TMEM132B: variants seen among roughly 807,000 people sequenced by gnomAD.
The protein encoded by TMEM132B is transmembrane protein 132B.
In TMEM132B, 18 loss-of-function variants were observed where a neutral mutation model predicts 90.8. The ratio of observed to expected loss-of-function variants is 0.20; its 90% CI spans 0.14 to 0.29. The LOEUF (loss-of-function observed/expected upper bound fraction) is 0.29. TMEM132B is among the 10% of genes least tolerant of loss of function. The probability of loss-of-function intolerance (pLI) is 1.00; values close to 1 mark genes in which losing one functional copy is unlikely to be tolerated. For missense variants in TMEM132B, 1,096 were observed against 1,326.8 expected (o/e 0.83, Z 2.70); for synonymous variants, 504 against 523.3 (o/e 0.96, Z 0.50).
At chr12:125,524,888 G>A (rs1883406472) in intron 4 of TMEM132B, among the ~76,000 whole-genome samples, 1 of 152,210 alleles carries the variant, frequency 6.6e-6, no homozygotes, top group Non-Finnish European at 1.5e-5. Context: ...GGGTCTGGGA[G>A]CTCATGGAGA....
chr12:125,283,840 CTTG>C (rs1359315745), intron 1 of TMEM132B, among the ~76,000 whole-genome samples: 1 of 152,200 alleles, frequency 6.6e-6, no homozygotes, highest in African/African-American at 2.4e-5. Flanking sequence ...GTAGTGTTTG[CTTG>C]TTGTCGCAGA....
rs1887026908 is a variant in TMEM132B at position 125,655,056 on chromosome 12, T to A, written c.*346T>A. 4.5e-6 allele frequency: 1 copy of A among 223,858 alleles called. No individual in the cohort carries two copies. 13.9% of individuals were successfully genotyped at this position (223,858 alleles called of 1,614,324 possible). On this transcript the variant is annotated 3_prime_UTR_variant, in exon 9 of 9. Transcript: ENST00000682704. ...TGTGGAATTAGAAAAGATTTGGGTGTTGATTTTTCTATTTCTAGACCTTTT... is the reference window on the plus strand; with the variant it reads ...TGTGGAATTAGAAAAGATTTGGGTGATGATTTTTCTATTTCTAGACCTTTT...
chr12:125,565,318 T>G (rs769262521), intron 4 of TMEM132B, among the ~76,000 whole-genome samples: 9 of 152,188 alleles, frequency 5.9e-5, no homozygotes, highest in Non-Finnish European at 8.8e-5. Context: ...TGGGAGGGGA[T>G]ACATGCAGAT....
At chr12:125,446,745 T>C (rs149441942) in intron 3 of TMEM132B, among the ~76,000 whole-genome samples, 120 of 152,308 alleles carry the variant, frequency 7.9e-4, no homozygotes, top group Admixed American at 3.3e-3. Context: ...AGTACCTCAT[T>C]TGGCATTCTT....
intron 3 of TMEM132B, among the ~76,000 whole-genome samples, chr12:125,469,527 GTGCC>G (rs1881655267): frequency 6.6e-6 from 1 of 152,152 alleles, no homozygotes; most frequent in South Asian, 2.1e-4. Flanking sequence ...GGGAGTAGGT[GTGCC>G]TGGGTCTTTG....
At chr12:125,317,394 A>G (rs977830633) in intron 1 of TMEM132B, among the ~76,000 whole-genome samples, 8 of 152,084 alleles carry the variant, frequency 5.3e-5, no homozygotes, top group African/African-American at 1.9e-4. Context: ...TCTGTTGTTA[A>G]AGATCACCAT....
intron 1 of TMEM132B, among the ~76,000 whole-genome samples, chr12:125,285,375 G>C (rs544611146): frequency 6.7e-4 from 102 of 152,242 alleles, no homozygotes; most frequent in Non-Finnish European, 1.3e-3. Flanking sequence ...AGGAACTACA[G>C]GAAAGAGCCA....
chr12:125,567,709 G>GTGCCATTTGCT (rs1200414202), intron 4 of TMEM132B, among the ~76,000 whole-genome samples: 1 of 152,296 alleles, frequency 6.6e-6, no homozygotes, highest in African/African-American at 2.4e-5. Context: ...AACTGAACAG[G>GTGCCATTTGCT]TGCCATTTGC....
chr12:125,326,098 G>C (rs951432078), intron 1 of TMEM132B, among the ~76,000 whole-genome samples: 2 of 152,166 alleles, frequency 1.3e-5, no homozygotes, highest in East Asian at 3.9e-4. Flanking sequence ...ACACCCCAGG[G>C]AGCCTCTGCA....
chr12:125,530,546 A>C (rs1262340840), intron 4 of TMEM132B, among the ~76,000 whole-genome samples: 1 of 152,240 alleles, frequency 6.6e-6, no homozygotes, highest in African/African-American at 2.4e-5. Flanking sequence ...GGTGGCTTAA[A>C]ACAATAGGAA....
At chr12:125,309,828 C>G (rs562071507) in intron 1 of TMEM132B, among the ~76,000 whole-genome samples, 2 of 152,332 alleles carry the variant, frequency 1.3e-5, no homozygotes, top group African/African-American at 4.8e-5. Context: ...ATTTTGCTCA[C>G]TAGTTTAGAA....
chr12:125,583,952 T>A lies in TMEM132B; in HGVS notation c.1395T>A (p.Ser465=). 6.2e-7 allele frequency: 1 copy of A among 1,614,156 alleles called. No individual in the cohort carries two copies. The highest frequency in any genetic ancestry group is 8.5e-7 in the Non-Finnish European group (1 of 1,180,012). The change falls in exon 5 of 9, where the codon TCT becomes TCA. Residue 465 remains serine, a synonymous_variant. Transcript: ENST00000682704. ...AGGATGGTTCTGTGGTCGATGTGTC[T>A]GAGTCTGTGGAATGCAAGTCTGCCG... ...VQEDGSVVDV[S]ESVECKSADE...
At chr12:125,450,198 C>G (rs779110810) in intron 3 of TMEM132B, among the ~76,000 whole-genome samples, 12 of 152,090 alleles carry the variant, frequency 7.9e-5, no homozygotes, top group Admixed American at 1.3e-4. Flanking sequence ...TTGTATTCTT[C>G]CCTTTTAAAA....
intron 1 of TMEM132B, among the ~76,000 whole-genome samples, chr12:125,201,104 C>A (rs1873047480): frequency 6.6e-6 from 1 of 152,126 alleles, no homozygotes; most frequent in South Asian, 2.1e-4. Context: ...CCCACCACCC[C>A]CCATGCCCAG....
intron 4 of TMEM132B, among the ~76,000 whole-genome samples, chr12:125,567,962 G>C (rs1446339457): frequency 6.6e-6 from 1 of 152,172 alleles, no homozygotes; most frequent in Non-Finnish European, 1.5e-5. Context: ...AGAGGCAAAG[G>C]GAGGAAGGAC....
In TMEM132B at chr12:125,653,634, A is replaced by G; in HGVS notation, c.2176A>G (p.Lys726Glu). 6.2e-7 allele frequency: 1 copy of G among 1,614,192 alleles called. No individual in the cohort carries two copies. The highest frequency in any genetic ancestry group is 8.5e-7 in the Non-Finnish European group (1 of 1,180,040). ...SVTPLDIYDP[K>E]DYSVTVSSLD... ...GACACCTTTAGACATTTACGATCCTAAGGATTATTCTGTTACTGTCTCATC... is the reference window on the plus strand; with the variant it reads ...GACACCTTTAGACATTTACGATCCTGAGGATTATTCTGTTACTGTCTCATC... Residue 726 changes from lysine (K) to glutamate (E), a missense_variant, in exon 9 of 9, where the codon AAG becomes GAG. Lys to Glu is a moderately conservative substitution (Grantham distance 56). Transcript: ENST00000682704.
At position 125,654,376 on chromosome 12, in the gene TMEM132B, G is replaced by T; in HGVS notation, c.2918G>T (p.Cys973Phe). 9 of 1,613,058 alleles carry T rather than the reference G, an allele frequency of 5.6e-6. No homozygotes were observed. The highest frequency in any genetic ancestry group is 7.6e-6 in the Non-Finnish European group (9 of 1,180,040). ...GACATTACACTCCCATCAGAGGAGT[G>T]CACAACCATGATAGACAGGGGCCTG... is the stretch of plus-strand genomic sequence containing the variant. ...PVDITLPSEECTTMIDRGLQF... is the reference protein window; with the variant it reads ...PVDITLPSEEFTTMIDRGLQF... Residue 973 changes from cysteine (C) to phenylalanine (F), a missense_variant, in exon 9 of 9, where the codon TGC becomes TTC. By Grantham distance (205) the Cys-to-Phe change is radical. Transcript: ENST00000682704. This position sits in a 1 kb window ranked among gnomAD's most constrained non-coding sequence, Gnocchi z 5.8.
At chr12:125,189,878 C>A (rs1309287915) in intron 1 of TMEM132B, among the ~76,000 whole-genome samples, 3 of 152,126 alleles carry the variant, frequency 2.0e-5, no homozygotes, top group Admixed American at 6.5e-5. Context: ...TCTCCCAGCT[C>A]TATGTGGCTG....
At position 125,349,785 on chromosome 12, in the gene TMEM132B, T is replaced by A; in HGVS notation, c.401T>A (p.Ile134Asn). The A allele has an allele frequency of 6.2e-7, 1 of 1,614,246 alleles. No homozygotes were observed. Among genetic ancestry groups the A allele is most frequent in the Non-Finnish European group, 8.5e-7 (1 of 1,180,048 alleles). Residue 134 changes from isoleucine to asparagine, a missense_variant, in exon 2 of 9, where the codon ATC (isoleucine) becomes AAC (asparagine). Transcript: ENST00000682704. The surrounding 1 kb of genome is among the most constrained non-coding windows in gnomAD (Gnocchi z 4.1). ...KLKSHILDSS[I>N]YSNRPKVQTL... ...AAATCCCACATCCTTGACAGCTCCA[T>A]CTACTCCAACAGACCCAAAGTGCAG...
Sources: gnomAD v4.1 joint callset for allele counts (sites outside exome capture counted in the v4.1 genomes callset) on GRCh38, gnomAD v4.1.1 for gene constraint, Gnocchi (gnomAD v3.1) non-coding constraint, MANE v1.5 for transcripts, NCBI Gene and HGNC (gene_info 2026-07-23, HGNC 2026-07-21) for gene names.